The following KLF17 variants were observed in gnomAD, a reference collection of about 807,000 sequenced individuals.
The protein encoded by KLF17 is KLF transcription factor 17.
Under a neutral mutation model 34.2 loss-of-function variants are expected in KLF17, and 31 were observed. The observed-to-expected ratio is 0.91, with a 90% CI of 0.68 to 1.22. The LOEUF is 1.22. Ranked by LOEUF, KLF17 falls within the 50% of genes most tolerant of loss-of-function variation. KLF17 has a pLI of 0.00. For missense variants in KLF17, 478 were observed against 505.2 expected (o/e 0.95, Z 0.52); for synonymous variants, 179 against 186.7 (o/e 0.96, Z 0.34).
chr1:44,099,476 G>A, the KLF17 span, among the ~76,000 whole-genome samples: 1 of 151,610 alleles, frequency 6.6e-6, no homozygotes, highest in East Asian at 2.0e-4. Context: ...TAACAAAATA[G>A]ACAGGAAATA....
At chr1:44,127,672 TTCTTTCTTTCTTTCTTTCTTTTTC>T (rs1189405312) in intron 1 of KLF17, among the ~76,000 whole-genome samples, 2 of 51,420 alleles carry the variant, frequency 3.9e-5, no homozygotes, top group Admixed American at 4.2e-4. Context: ...CTTTCTTTCT[TTCTTTCTTTCTTTCTTTCTTTTTC>T]TTTCTTTCTT....
At chr1:44,048,581 C>T in the KLF17 span, 2 of 152,104 alleles carry the variant, frequency 1.3e-5, no homozygotes, top group East Asian at 1.9e-4. Context: ...TTTGATATGA[C>T]TGGGTTTTAA....
the KLF17 span, among the ~76,000 whole-genome samples, chr1:44,065,286 T>TA: frequency 4.3e-3 from 571 of 133,462 alleles, no homozygotes; most frequent in African/African-American, 0.014. Flanking sequence ...AGACTCCATC[T>TA]AAAAAAAAAA....
the KLF17 span, among the ~76,000 whole-genome samples, chr1:44,099,839 AAGAAAGAAAG>A: frequency 3.4e-5 from 1 of 29,248 alleles, no homozygotes; most frequent in Admixed American, 3.4e-4. Flanking sequence ...GAAAGAAAGA[AAGAAAGAAAG>A]AAAGAAAGAA....
chr1:44,079,551 C>G, the KLF17 span, among the ~76,000 whole-genome samples: 1 of 152,096 alleles, frequency 6.6e-6, no homozygotes, highest in East Asian at 1.9e-4. Context: ...GATCCTCCCA[C>G]CTCAGCCTCT....
Position 44,129,366 on chromosome 1 carries a change from C to T in KLF17, c.95C>T (p.Ser32Leu). 1 of 1,513,774 alleles carries T rather than the reference C, an allele frequency of 6.6e-7. No homozygotes were observed. The highest frequency in any genetic ancestry group is 8.8e-7 in the Non-Finnish European group (1 of 1,131,496). 93.8% of individuals were successfully genotyped at this position (1,513,774 alleles called of 1,614,324 possible). A position where few individuals can be genotyped will look rare whatever the true frequency, so the allele number is the denominator to read the frequency against. ...AHQAAQDNEN[S>L]APILNMSSSS... Reference sequence around the variant, plus strand: ...TTTTTCCCCAAGGATAACGAGAACTCAGCGCCCATCTTGAACATGTCTTCA... The same window carrying T: ...TTTTTCCCCAAGGATAACGAGAACTTAGCGCCCATCTTGAACATGTCTTCA... Residue 32 changes from serine to leucine, a missense_variant, in exon 2 of 4, where the codon TCA becomes TTA. Ser to Leu is a moderately radical substitution (Grantham distance 145). Coordinates refer to ENST00000372299, the MANE Select transcript of KLF17 (RefSeq NM_173484.4).
At chr1:44,079,447 C>T in the KLF17 span, among the ~76,000 whole-genome samples, 2 of 151,842 alleles carry the variant, frequency 1.3e-5, no homozygotes, top group African/African-American at 4.8e-5. Flanking sequence ...TAGGCACATA[C>T]CGCCACCATG....
At chr1:44,060,632 C>T in the KLF17 span, among the ~76,000 whole-genome samples, 3 of 152,080 alleles carry the variant, frequency 2.0e-5, no homozygotes, top group African/African-American at 4.8e-5. Context: ...ACTAGCAGCA[C>T]CCTAGGGTGG....
Position 44,130,711 on chromosome 1 carries a change from C to T in KLF17, c.1125C>T (p.Asn375=). ...HRPGPSDPQA[N]NNNGEQDSPP... is the part of the protein sequence containing the mutation. Reference sequence around the variant, plus strand: ...CGGGACCCTCAGACCCACAGGCCAACAACAACAATGGAGAGCAGGACAGTC... The same window carrying T: ...CGGGACCCTCAGACCCACAGGCCAATAACAACAATGGAGAGCAGGACAGTC... The change falls in exon 3 of 4, where the codon AAC becomes AAT. Residue 375 remains asparagine (N), a synonymous_variant. Transcript: ENST00000372299. 6.4e-7 allele frequency: 1 copy of T among 1,564,680 alleles called. No individual in the cohort carries two copies. The highest frequency in any genetic ancestry group is 1.5e-5 in the African/African-American group (1 of 68,060).
At chr1:44,126,305 G>A (rs181681029) in intron 1 of KLF17, among the ~76,000 whole-genome samples, 192 of 152,006 alleles carry the variant, frequency 1.3e-3, no homozygotes, top group African/African-American at 4.5e-3. Flanking sequence ...GATAACAGGC[G>A]TGAGCCACCG....
chr1:44,116,132 G>A (rs892440456), upstream of KLF17, among the ~76,000 whole-genome samples: 2 of 152,172 alleles, frequency 1.3e-5, no homozygotes, highest in African/African-American at 2.4e-5. Flanking sequence ...CACTAGGTAT[G>A]TGGGAACTGA....
the KLF17 span, among the ~76,000 whole-genome samples, chr1:44,046,440 G>T: frequency 1.5e-3 from 235 of 151,704 alleles, 1 homozygote; most frequent in Admixed American, 3.6e-3. Context: ...TAGGCTAGTC[G>T]TGAACTCCTG....
At chr1:44,060,138 GCCA>G in the KLF17 span, among the ~76,000 whole-genome samples, 8 of 152,154 alleles carry the variant, frequency 5.3e-5, no homozygotes, top group Admixed American at 3.9e-4. Flanking sequence ...TCTCCAGGAA[GCCA>G]CCTGTTCCTT....
At chr1:44,058,704 T>TC in the KLF17 span, among the ~76,000 whole-genome samples, 23 of 104,416 alleles carry the variant, frequency 2.2e-4, no homozygotes, top group East Asian at 7.9e-4. Context: ...TTTTTTTTTT[T>TC]CCCGAGACGG....
chr1:44,128,713 T>C (rs189588824), intron 1 of KLF17, among the ~76,000 whole-genome samples: 2 of 152,288 alleles, frequency 1.3e-5, no homozygotes, highest in African/African-American at 2.4e-5. Flanking sequence ...TTCACACTTA[T>C]GTATAATTTG....
At chr1:44,129,004 C>T (rs766162867) in intron 1 of KLF17, among the ~76,000 whole-genome samples, 2 of 150,280 alleles carry the variant, frequency 1.3e-5, no homozygotes, top group Non-Finnish European at 2.9e-5. Context: ...AAGAGCGAAA[C>T]TCCGTCTCAA....
intron 1 of KLF17, chr1:44,122,429 T>G: frequency 6.9e-7 from 1 of 1,442,586 alleles, no homozygotes; most frequent in Non-Finnish European, 9.8e-7. Context: ...CACCTGTGAC[T>G]GTTCCATGGA....
At chr1:44,059,600 C>T in the KLF17 span, among the ~76,000 whole-genome samples, 1 of 152,108 alleles carries the variant, frequency 6.6e-6, no homozygotes, top group Non-Finnish European at 1.5e-5. Context: ...TACCCAAATC[C>T]CTATTTGTTA....
At chr1:44,106,541 T>A in the KLF17 span, 1 of 152,198 alleles carries the variant, frequency 6.6e-6, no homozygotes, top group Non-Finnish European at 1.5e-5. Context: ...TTGGGGACTA[T>A]CAAGGTTGAC....
Sources: gnomAD v4.1 joint callset for allele counts (sites outside exome capture counted in the v4.1 genomes callset) on GRCh38, gnomAD v4.1.1 for gene constraint, MANE v1.5 for transcripts, NCBI Gene and HGNC (gene_info 2026-07-23, HGNC 2026-07-21) for gene names.